DOCK4: variants seen among roughly 807,000 people sequenced by gnomAD.
DOCK4 encodes the protein dedicator of cytokinesis 4.
A neutral mutation model predicts 268.1 loss-of-function variants in DOCK4; 97 were observed. The observed-to-expected ratio is 0.36, with a 90% CI of 0.31 to 0.43. The LOEUF (loss-of-function observed/expected upper bound fraction) is 0.43, where lower values mean the gene tolerates loss of function less well. Ranked by LOEUF, DOCK4 falls within the 20% of genes least tolerant of loss-of-function variation. The probability of loss-of-function intolerance (pLI) is 1.00; values close to 1 mark genes in which losing one functional copy is unlikely to be tolerated. For missense variants in DOCK4, 2,145 were observed against 2,455.7 expected (o/e 0.87, Z 2.67); for synonymous variants, 954 against 887.2 (o/e 1.08, Z -1.34).
intron 1 of DOCK4, among the ~76,000 whole-genome samples, chr7:112,133,832 G>A (rs1405184284): frequency 1.3e-5 from 2 of 152,190 alleles, no homozygotes; most frequent in Non-Finnish European, 1.5e-5. Context: ...TATACAGGTA[G>A]GTGGTTATTA....
chr7:111,751,060 G>C (rs1796605998), intron 42 of DOCK4, among the ~76,000 whole-genome samples: 1 of 152,110 alleles, frequency 6.6e-6, no homozygotes, highest in African/African-American at 2.4e-5. Context: ...ACCCATAAAA[G>C]ATTAATGGAT....
intron 1 of DOCK4, among the ~76,000 whole-genome samples, chr7:112,088,679 C>T (rs959078328): frequency 1.3e-5 from 2 of 152,088 alleles, no homozygotes; most frequent in African/African-American, 4.8e-5. Flanking sequence ...AGTTTCCTAT[C>T]GGGCAGGATT....
intron 1 of DOCK4, among the ~76,000 whole-genome samples, chr7:112,012,375 T>A (rs1801410294): frequency 6.6e-6 from 1 of 151,884 alleles, no homozygotes; most frequent in African/African-American, 2.4e-5. Flanking sequence ...GCAATGAGAC[T>A]GATAAGGAAA....
At chr7:112,031,372 CT>C (rs2135458629) in intron 1 of DOCK4, among the ~76,000 whole-genome samples, 1 of 152,298 alleles carries the variant, frequency 6.6e-6, no homozygotes, top group South Asian at 2.1e-4. Flanking sequence ...GTTGTTGTTT[CT>C]TTAGGAAACC....
chr7:112,128,296 G>A (rs1043927410), intron 1 of DOCK4, among the ~76,000 whole-genome samples: 1 of 151,524 alleles, frequency 6.6e-6, no homozygotes, highest in Non-Finnish European at 1.5e-5. Context: ...GGGAGGTGGG[G>A]GGGGTCAGCC....
intron 1 of DOCK4, among the ~76,000 whole-genome samples, chr7:112,172,302 C>T (rs996564949): frequency 1.3e-5 from 2 of 152,118 alleles, no homozygotes; most frequent in African/African-American, 4.8e-5. Flanking sequence ...AATAAGAATA[C>T]TTCTTGAATA....
chr7:111,976,972 C>T (rs1319051306), intron 8 of DOCK4, 160 bp downstream of exon 8: 33 of 755,580 alleles, frequency 4.4e-5, no homozygotes, highest in Non-Finnish European at 6.7e-5. Context: ...ACAGAAACAT[C>T]CAAAGAACAG....
chr7:112,126,784 T>C (rs890744280), intron 1 of DOCK4, among the ~76,000 whole-genome samples: 1 of 152,198 alleles, frequency 6.6e-6, no homozygotes, highest in African/African-American at 2.4e-5. Context: ...AAGACATTTA[T>C]GCAGCCAAAA....
chr7:111,832,090 TAAAC>T (rs1235550500), intron 26 of DOCK4, among the ~76,000 whole-genome samples: 1 of 152,092 alleles, frequency 6.6e-6, no homozygotes. Flanking sequence ...CATAAACAAA[TAAAC>T]AAAAATATTC....
chr7:111,866,112 T>G (rs1055961208), intron 22 of DOCK4, among the ~76,000 whole-genome samples: 6 of 152,194 alleles, frequency 3.9e-5, no homozygotes, highest in African/African-American at 1.4e-4. Flanking sequence ...TTAAAGCCAT[T>G]AAGCTTATGG....
chr7:112,098,143 T>TC (rs1166041046), intron 1 of DOCK4, among the ~76,000 whole-genome samples: 1 of 152,180 alleles, frequency 6.6e-6, no homozygotes, highest in African/African-American at 2.4e-5. Context: ...AATAAACTAT[T>TC]CACTGCTAAA....
In DOCK4 at chr7:112,135,305, C is replaced by T. The variant is rs560886083; in HGVS notation, c.37+70797G>A. On this transcript the variant is annotated intron_variant, in intron 1 of 52. Transcript: ENST00000428084. ...AAATAGCTTTTCATTAATATATTTA[C>T]GCTTTACCTTTTTAGTCTTATGTTT... Among the ~76,000 whole-genome samples, 48 of 152,122 alleles carry T rather than the reference C, an allele frequency of 3.2e-4. No homozygotes were observed. In the South Asian group the frequency reaches 3.3e-3, roughly 11 times the overall value.
chr7:111,752,578 GTTTTTTTTTTTT>G (rs56037303), intron 42 of DOCK4, among the ~76,000 whole-genome samples: 1 of 82,216 alleles, frequency 1.2e-5, no homozygotes, highest in Non-Finnish European at 2.2e-5. Context: ...ATCAGCTTAG[GTTTTTTTTTTTT>G]TTTTTTTTTT....
intron 8 of DOCK4, among the ~76,000 whole-genome samples, chr7:111,961,975 A>T (rs1167694010): frequency 6.6e-6 from 1 of 152,228 alleles, no homozygotes; most frequent in Non-Finnish European, 1.5e-5. Context: ...TATATACTAT[A>T]TGCTAGAAGT....
chr7:112,000,406 C>T (rs1409359378), intron 3 of DOCK4, 88 bp downstream of exon 3: 2 of 901,564 alleles, frequency 2.2e-6, no homozygotes, highest in Non-Finnish European at 3.3e-6. Flanking sequence ...TGAGTCCCAA[C>T]TGTAATTTCA....
At position 112,071,953 on chromosome 7, in the gene DOCK4, T is replaced by G. The variant is rs948681453; in HGVS notation, c.38-67822A>C. ...CTCCTCTATATGTTTACAATTTTAG[T>G]GAAATTTCTTGACTATCATAGATTG... On this transcript the variant is annotated intron_variant, in intron 1 of 52. Coordinates refer to ENST00000428084, the MANE Select transcript of DOCK4 (RefSeq NM_001363540.2). 2.0e-5 allele frequency among the ~76,000 whole-genome samples: 3 copies of G among 152,350 alleles called. No individual in the cohort carries two copies. In the South Asian group the frequency reaches 6.2e-4, roughly 32 times the overall value.
intron 10 of DOCK4, among the ~76,000 whole-genome samples, chr7:111,941,727 T>C (rs965162881): frequency 1.2e-4 from 19 of 152,108 alleles, no homozygotes. Flanking sequence ...CATGCACACA[T>C]TTCAATCCTT....
intron 27 of DOCK4, among the ~76,000 whole-genome samples, chr7:111,817,362 C>A (rs1046075153): frequency 6.6e-6 from 1 of 152,166 alleles, no homozygotes; most frequent in Non-Finnish European, 1.5e-5. Context: ...AGCAGATTAG[C>A]TACTCTACCA....
intron 12 of DOCK4, among the ~76,000 whole-genome samples, chr7:111,933,575 G>A (rs951412565): frequency 2.0e-5 from 3 of 151,924 alleles, no homozygotes; most frequent in African/African-American, 4.8e-5. Context: ...GATTACAGAC[G>A]TGAGCCACCG....
Sources: gnomAD v4.1 joint callset for allele counts (sites outside exome capture counted in the v4.1 genomes callset) on GRCh38, gnomAD v4.1.1 for gene constraint, MANE v1.5 for transcripts, NCBI Gene and HGNC (gene_info 2026-07-23, HGNC 2026-07-21) for gene names.